PCBP3: variants seen among roughly 807,000 people sequenced by gnomAD.
PCBP3 encodes the protein poly(rC)-binding protein 3.
PCBP3 carries 25 observed loss-of-function variants against 52.7 expected under a neutral mutation model. The observed-to-expected ratio is 0.47, with a 90% CI of 0.35 to 0.66. The LOEUF (loss-of-function observed/expected upper bound fraction) is 0.66, where lower values mean the gene tolerates loss of function less well. Among genes scored for constraint, PCBP3 ranks in the 30% least tolerant of loss-of-function variants. The pLI is 0.01. For synonymous variants in PCBP3, 162 were observed against 183.0 expected (o/e 0.89, Z 0.93); for missense variants, 391 against 490.3 (o/e 0.80, Z 1.91).
intron 4 of PCBP3, among the ~76,000 whole-genome samples, chr21:45,786,123 G>A (rs1292181675): frequency 1.5e-5 from 2 of 131,018 alleles, no homozygotes; most frequent in South Asian, 2.5e-4. Context: ...ACCCAAGAAT[G>A]ATCAATAAAA....
chr21:45,737,875 G>A lies in PCBP3; in HGVS notation c.-162+2446G>A, dbSNP rs898833090. Among the ~76,000 whole-genome samples, 3 of 152,226 alleles carry A rather than the reference G, an allele frequency of 2.0e-5. No homozygotes were observed. The highest frequency in any genetic ancestry group is 4.8e-5 in the African/African-American group (2 of 41,444). On this transcript the variant is annotated intron_variant, in intron 3 of 17. Coordinates refer to ENST00000681687, the MANE Select transcript of PCBP3 (RefSeq NM_001384156.1). The surrounding 1 kb of genome is among the most constrained non-coding windows in gnomAD (Gnocchi z 4.9). Reference sequence around the variant, plus strand: ...CTGGGGTGCCATGATGAAGCAGAGCGGAGCTCATCTGAGTGGATGTTTCCC... The same window carrying A: ...CTGGGGTGCCATGATGAAGCAGAGCAGAGCTCATCTGAGTGGATGTTTCCC...
intron 3 of PCBP3, among the ~76,000 whole-genome samples, chr21:45,747,665 G>A (rs1396810651): frequency 6.6e-6 from 1 of 152,266 alleles, no homozygotes; most frequent in African/African-American, 2.4e-5. Context: ...CAGTCACAGA[G>A]GCTGCGGTCT....
chr21:45,746,188 A>G lies in PCBP3; in HGVS notation c.-161-9229A>G, dbSNP rs534019986. Among the ~76,000 whole-genome samples the G allele has an allele frequency of 2.2e-5, 3 of 137,778 alleles. No individual in the cohort carries two copies. In the South Asian group the frequency reaches 7.2e-4, roughly 33 times the overall value. The allele number at this position is 137,778 out of a possible 152,430, so 90.4% of individuals were successfully genotyped here. ...CGTAGCGCCACACGGTGTTGTCAGC[A>G]TCACCGTGTCAGTCCATTGACGTAG... On this transcript the variant is annotated intron_variant, in intron 3 of 17. Coordinates refer to ENST00000681687, the MANE Select transcript of PCBP3 (RefSeq NM_001384156.1).
At chr21:45,693,577 T>C (rs1411113116) in intron 2 of PCBP3, among the ~76,000 whole-genome samples, 2 of 151,960 alleles carry the variant, frequency 1.3e-5, no homozygotes, top group African/African-American at 4.8e-5. Flanking sequence ...CCCAATAAAT[T>C]TGATGAGAAC....
intron 3 of PCBP3, among the ~76,000 whole-genome samples, chr21:45,738,444 C>T (rs1389371762): frequency 3.3e-5 from 5 of 151,858 alleles, no homozygotes; most frequent in Admixed American, 2.6e-4. Flanking sequence ...TTAGTAGAGA[C>T]GGGGTTTCAC....
At chr21:45,747,495 C>T (rs2087008226) in intron 3 of PCBP3, among the ~76,000 whole-genome samples, 1 of 152,230 alleles carries the variant, frequency 6.6e-6, no homozygotes, top group African/African-American at 2.4e-5. Flanking sequence ...GGTGCTGCTG[C>T]AGTGACAGTG....
intron 1 of PCBP3, among the ~76,000 whole-genome samples, chr21:45,667,177 C>T (rs1345888139): frequency 1.3e-5 from 2 of 150,210 alleles, no homozygotes; most frequent in Admixed American, 6.7e-5. Context: ...TTTATTCATT[C>T]ATTCCATTTT....
chr21:45,656,637 A>G lies in PCBP3; in HGVS notation c.-278-12237A>G, dbSNP rs561451332. Among the ~76,000 whole-genome samples, 5 of 152,334 alleles carry G rather than the reference A, an allele frequency of 3.3e-5. No homozygotes were observed. The highest frequency in any genetic ancestry group is 7.3e-5 in the Non-Finnish European group (5 of 68,028). ...GCACATGTATTCCAGAACTTAAAGT[A>G]TAATAAATTAAAAAAAATAGCTGAA... is the stretch of plus-strand genomic sequence containing the variant. On this transcript the variant is annotated intron_variant, in intron 1 of 17. Coordinates refer to ENST00000681687, the MANE Select transcript of PCBP3 (RefSeq NM_001384156.1). This position sits in a 1 kb window ranked among gnomAD's most constrained non-coding sequence, Gnocchi z 4.3.
At position 45,853,902 on chromosome 21, in the gene PCBP3, G is replaced by A. The variant is rs924089712; in HGVS notation, c.10+3807G>A. On this transcript the variant is annotated intron_variant, in intron 5 of 17. Transcript: ENST00000681687. The surrounding 1 kb of genome is among the most constrained non-coding windows in gnomAD (Gnocchi z 4.6). ...GAGAATAAAAAGGAGCCGATGGTAC[G>A]GGGCAGGAGCCGCTCCCAGGAAGCG... is the stretch of plus-strand genomic sequence containing the variant. The A allele has an allele frequency of 2.6e-5, 4 of 152,190 alleles. No individual in the cohort carries two copies. Among genetic ancestry groups the A allele is most frequent in the African/African-American group, 9.7e-5 (4 of 41,434 alleles). 9.4% of individuals were successfully genotyped at this position (152,190 alleles called of 1,614,324 possible).
chr21:45,927,301 TC>T (rs2075567258), intron 13 of PCBP3, among the ~76,000 whole-genome samples: 2 of 42,878 alleles, frequency 4.7e-5, no homozygotes, highest in African/African-American at 1.1e-4. Flanking sequence ...CCCTCCTCCC[TC>T]CCCTCCCCTT....
chr21:45,876,641 T>C (rs564105840), intron 5 of PCBP3, among the ~76,000 whole-genome samples: 16 of 152,334 alleles, frequency 1.1e-4, no homozygotes, highest in Middle Eastern at 3.4e-3. Flanking sequence ...ATGAAGTGCA[T>C]GTGAGGCTCT....
rs7278300 is a variant in PCBP3 at position 45,871,049 on chromosome 21, C to T, written c.10+20954C>T. The T allele has an allele frequency of 9.5e-3, 1,698 of 179,518 alleles. 8 individuals are homozygous for T. Among genetic ancestry groups the T allele is most frequent in the Non-Finnish European group, 0.013 (1,142 of 85,744 alleles). The allele number at this position is 179,518 out of a possible 1,614,324, so 11.1% of individuals were successfully genotyped here. ...GGGGAAGGCCATGCAGCCCAGTGCC[C>T]GGGAGAGACAGGAACCCCCTACAGG... On this transcript the variant is annotated intron_variant, in intron 5 of 17. Coordinates refer to ENST00000681687, the MANE Select transcript of PCBP3 (RefSeq NM_001384156.1).
Position 45,881,263 on chromosome 21 carries a change from T to A in PCBP3, c.11-14945T>A, listed in dbSNP as rs999621807. 3.3e-5 allele frequency among the ~76,000 whole-genome samples: 5 copies of A among 152,230 alleles called. No homozygotes were observed. In the East Asian group the frequency reaches 9.6e-4, roughly 29 times the overall value. On this transcript the variant is annotated intron_variant, in intron 5 of 17. Transcript: ENST00000681687. The stretch of plus-strand genomic sequence containing the variant: ...AGCCAGCCTTGCATCACAGGAAGAA[T>A]GGTTATAGCATGTAATTCTTGTGGT...
intron 2 of PCBP3, among the ~76,000 whole-genome samples, chr21:45,671,118 T>C (rs1472810927): frequency 1.3e-5 from 2 of 152,292 alleles, no homozygotes; most frequent in Middle Eastern, 3.4e-3. Flanking sequence ...AGGCATGAAA[T>C]CTGCAGTGTG....
intron 15 of PCBP3, 82 bp from the exon 16 acceptor site, chr21:45,935,171 C>A: frequency 1.0e-6 from 1 of 955,310 alleles, no homozygotes; most frequent in East Asian, 2.5e-5. Flanking sequence ...CTCACTTGAC[C>A]CAGGAGAGTG....
chr21:45,836,580 A>T (rs1365249903), intron 4 of PCBP3, among the ~76,000 whole-genome samples: 1 of 151,484 alleles, frequency 6.6e-6, no homozygotes, highest in African/African-American at 2.4e-5. Context: ...TGACATGAGA[A>T]TTAGCATATG....
chr21:45,897,256 T>C (rs2095857453), intron 6 of PCBP3, among the ~76,000 whole-genome samples: 1 of 152,176 alleles, frequency 6.6e-6, no homozygotes, highest in Non-Finnish European at 1.5e-5. Context: ...CACGGATGCG[T>C]TCCCACCACT....
chr21:45,863,436 GTGTGTCCT>G, intron 5 of PCBP3, among the ~76,000 whole-genome samples: 1 of 152,190 alleles, frequency 6.6e-6, no homozygotes, highest in Non-Finnish European at 1.5e-5. Context: ...TGCTGCGGCC[GTGTGTCCT>G]ACAGGCTCGC....
chr21:45,930,129 T>G, intron 14 of PCBP3, 134 bp downstream of exon 14: 1 of 262,360 alleles, frequency 3.8e-6, no homozygotes, highest in Non-Finnish European at 7.4e-6. Context: ...GGCGTTCACA[T>G]GCAGCAGGCT....
Sources: gnomAD v4.1 joint callset for allele counts (sites outside exome capture counted in the v4.1 genomes callset) on GRCh38, gnomAD v4.1.1 for gene constraint, Gnocchi (gnomAD v3.1) non-coding constraint, MANE v1.5 for transcripts, NCBI Gene and HGNC (gene_info 2026-07-23, HGNC 2026-07-21) for gene names.